UBXN4: variants seen among roughly 807,000 people sequenced by gnomAD.
UBXN4 encodes UBX domain-containing protein 4.
A neutral mutation model predicts 66.2 loss-of-function variants in UBXN4; 35 were observed. The ratio of observed to expected loss-of-function variants is 0.53; its 90% CI spans 0.40 to 0.70. UBXN4 has a LOEUF of 0.70. Among genes scored for constraint, UBXN4 ranks in the 30% least tolerant of loss-of-function variants. The pLI, the probability that UBXN4 is intolerant of heterozygous loss-of-function variation, is 0.00. For missense variants in UBXN4, 533 were observed against 599.8 expected (o/e 0.89, Z 1.16); for synonymous variants, 203 against 204.5 (o/e 0.99, Z 0.06).
intron 7 of UBXN4, 76 bp downstream of exon 7, chr2:135,769,899 C>A: frequency 7.4e-7 from 1 of 1,345,268 alleles, no homozygotes; most frequent in Non-Finnish European, 1.0e-6. Context: ...TTCAGTGTGG[C>A]AGGCCTAGGG....
At chr2:135,769,364 T>C (rs2077368505) in intron 6 of UBXN4, among the ~76,000 whole-genome samples, 1 of 151,866 alleles carries the variant, frequency 6.6e-6, no homozygotes. Flanking sequence ...TTGGTATTAA[T>C]AATTTGCTGG....
Position 135,781,622 on chromosome 2 carries a change from TAGGC to T in UBXN4, c.1389-1123_1389-1120del, listed in dbSNP as rs2077449343. ...GTCCTTTATCTTATTTCATAACTGT[TAGGC>T]AGGAAGACCAGTTACCTACTAAGTA... On this transcript the variant is annotated intron_variant, in intron 12 of 12. Transcript: ENST00000272638. 3.3e-5 allele frequency among the ~76,000 whole-genome samples: 5 copies of T among 152,354 alleles called. No homozygotes were observed. In the South Asian group the frequency reaches 8.3e-4, roughly 25 times the overall value.
At chr2:135,778,302 A>T (rs1252704577) in intron 10 of UBXN4, among the ~76,000 whole-genome samples, 1 of 151,654 alleles carries the variant, frequency 6.6e-6, no homozygotes, top group Non-Finnish European at 1.5e-5. Context: ...AAAAAAAAAA[A>T]TACGAAAAAC....
chr2:135,762,309 T>C (rs2105500076), intron 6 of UBXN4, among the ~76,000 whole-genome samples: 1 of 152,356 alleles, frequency 6.6e-6, no homozygotes. Context: ...GTGGCATTTT[T>C]CATTAGTTGG....
intron 9 of UBXN4, among the ~76,000 whole-genome samples, chr2:135,774,557 C>T (rs1209532501): frequency 6.6e-6 from 1 of 152,078 alleles, no homozygotes; most frequent in Non-Finnish European, 1.5e-5. Context: ...CAAGAAAGTG[C>T]AAAGAAGCTG....
At chr2:135,745,726 TC>T (rs2105489963) in intron 1 of UBXN4, among the ~76,000 whole-genome samples, 1 of 152,280 alleles carries the variant, frequency 6.6e-6, no homozygotes, top group African/African-American at 2.4e-5. Context: ...TAATCTCTCC[TC>T]ATCAGATGGT....
At chr2:135,774,222 A>G (rs2105507073) in intron 9 of UBXN4, among the ~76,000 whole-genome samples, 1 of 152,314 alleles carries the variant, frequency 6.6e-6, no homozygotes, top group Admixed American at 6.5e-5. Flanking sequence ...TGAACTGTTT[A>G]TTTTTGAAAA....
intron 8 of UBXN4, among the ~76,000 whole-genome samples, chr2:135,771,624 G>A (rs562537346): frequency 5.9e-5 from 9 of 152,206 alleles, no homozygotes; most frequent in East Asian, 1.9e-4. Flanking sequence ...GTGCAGTGGC[G>A]CAATCTTGGC....
intron 5 of UBXN4, among the ~76,000 whole-genome samples, chr2:135,757,039 T>C (rs974432098): frequency 1.3e-5 from 2 of 152,204 alleles, no homozygotes; most frequent in Non-Finnish European, 1.5e-5. Context: ...TGTATTTTTC[T>C]TTGTATTTAT....
intron 5 of UBXN4, among the ~76,000 whole-genome samples, chr2:135,760,940 A>G (rs2077311708): frequency 6.6e-6 from 1 of 152,230 alleles, no homozygotes; most frequent in Non-Finnish European, 1.5e-5. Context: ...CTACTTAGTC[A>G]TACTAATTAT....
intron 2 of UBXN4, 47 bp from the exon 3 acceptor site, chr2:135,753,492 A>G: frequency 6.7e-7 from 1 of 1,483,546 alleles, no homozygotes; most frequent in South Asian, 1.5e-5. Flanking sequence ...CAGTATTTAG[A>G]AAATACTTGC....
At chr2:135,765,630 C>T (rs573991780) in intron 6 of UBXN4, among the ~76,000 whole-genome samples, 1 of 151,932 alleles carries the variant, frequency 6.6e-6, no homozygotes, top group African/African-American at 2.4e-5. Context: ...AGTGTAATGG[C>T]CATCTTTTAA....
chr2:135,758,704 C>T (rs2077293136), intron 5 of UBXN4, among the ~76,000 whole-genome samples: 3 of 152,144 alleles, frequency 2.0e-5, no homozygotes, highest in South Asian at 4.1e-4. Context: ...ATATGTATCT[C>T]TAAAATATAA....
chr2:135,756,629 C>T (rs568952998), intron 5 of UBXN4, among the ~76,000 whole-genome samples: 16 of 152,226 alleles, frequency 1.1e-4, no homozygotes, highest in African/African-American at 2.6e-4. Flanking sequence ...TTTAGGTCTA[C>T]GACAGAATAA....
rs1214120563 is a variant in UBXN4 at position 135,769,774 on chromosome 2, CA to C, written c.615del (p.Lys205AsnfsTer42). On this transcript the variant is annotated frameshift_variant, in exon 7 of 13. Coordinates refer to ENST00000272638, the MANE Select transcript of UBXN4 (RefSeq NM_014607.4). LOFTEE classifies it high-confidence loss of function. ...EDLNIRVERLTKKLEERREEK... is the reference protein window; with the variant it reads ...EDLNIRVERLXKKLEERREEK... ...TTTTTTTTTTTTTAATACAGACTAA[CA>C]AAAAAACTTGAAGAAAGGAGAGAAG... 3.3e-6 allele frequency: 5 copies of C among 1,533,842 alleles called. No individual in the cohort carries two copies. In the Admixed American group the frequency reaches 5.8e-5, roughly 18 times the overall value.
intron 10 of UBXN4, among the ~76,000 whole-genome samples, chr2:135,777,408 T>C (rs753038383): frequency 3.9e-5 from 6 of 152,228 alleles, no homozygotes; most frequent in Admixed American, 6.5e-5. Context: ...GGCTGGACAA[T>C]GTAAACGTTT....
intron 5 of UBXN4, among the ~76,000 whole-genome samples, chr2:135,757,194 C>G (rs1388094648): frequency 6.6e-6 from 1 of 152,116 alleles, no homozygotes; most frequent in African/African-American, 2.4e-5. Flanking sequence ...TTTTTTCACA[C>G]TTATTTTTTC....
intron 5 of UBXN4, among the ~76,000 whole-genome samples, chr2:135,759,101 T>G (rs1017822086): frequency 6.6e-6 from 1 of 152,164 alleles, no homozygotes; most frequent in Non-Finnish European, 1.5e-5. Flanking sequence ...TATTCTAAAG[T>G]AGAGAGAACA....
At chr2:135,775,280 G>A (rs1210732003) in intron 9 of UBXN4, among the ~76,000 whole-genome samples, 2 of 152,226 alleles carry the variant, frequency 1.3e-5, no homozygotes, top group Non-Finnish European at 2.9e-5. Flanking sequence ...TAGGACCCAG[G>A]AGTTCTACAG....
Sources: allele counts gnomAD v4.1 joint callset (sites outside exome capture counted in the v4.1 genomes callset), GRCh38; gene constraint gnomAD v4.1.1; transcripts MANE v1.5; gene names NCBI Gene and HGNC (gene_info 2026-07-23, HGNC 2026-07-21).